ST7L: variants seen among roughly 807,000 people sequenced by gnomAD.
ST7L encodes the protein suppressor of tumorigenicity 7 protein-like.
In ST7L, 57 loss-of-function variants were observed where a neutral mutation model predicts 72.5. That is an observed-to-expected ratio of 0.79 (90% confidence interval 0.64 to 0.98). The LOEUF is 0.98. Ranked by LOEUF, ST7L falls within the 50% of genes least tolerant of loss-of-function variation. The pLI is 0.00. For synonymous variants in ST7L, 221 were observed against 240.9 expected, an observed-to-expected ratio of 0.92 and a Z score of 0.77; for missense variants, 576 against 672.2, an observed-to-expected ratio of 0.86 and a Z score of 1.58.
intron 6 of ST7L, among the ~76,000 whole-genome samples, chr1:112,590,929 C>CTTTT (rs146691818): frequency 6.2e-5 from 8 of 128,658 alleles, no homozygotes; most frequent in Admixed American, 1.6e-4. Context: ...TTTTAGTACC[C>CTTTT]TTTTTTTTTT....
chr1:112,585,412 C>T (rs1057265499), intron 6 of ST7L, among the ~76,000 whole-genome samples: 2 of 152,202 alleles, frequency 1.3e-5, no homozygotes, highest in African/African-American at 2.4e-5. Context: ...TCTTCATTAA[C>T]AGATTTTAGA....
chr1:112,573,152 C>T (rs532355235), intron 11 of ST7L, among the ~76,000 whole-genome samples: 1 of 151,866 alleles, frequency 6.6e-6, no homozygotes, highest in South Asian at 2.1e-4. Flanking sequence ...AGTTTGACAC[C>T]AACCTGACCA....
intron 11 of ST7L, among the ~76,000 whole-genome samples, chr1:112,559,093 G>T (rs534001083): frequency 6.6e-6 from 1 of 152,206 alleles, no homozygotes; most frequent in African/African-American, 2.4e-5. Context: ...CATTTTCAGT[G>T]AATTTTAGAA....
chr1:112,562,927 GTCTATC>G (rs1338911036), intron 11 of ST7L, among the ~76,000 whole-genome samples: 3 of 152,026 alleles, frequency 2.0e-5, no homozygotes, highest in African/African-American at 7.2e-5. Context: ...TTCTTTCTAT[GTCTATC>G]TCTATGTGTT....
chr1:112,550,608 T>C lies in ST7L; in HGVS notation c.1482A>G (p.Leu494=). The change falls in exon 13 of 15, where the codon CTA becomes CTG. Residue 494 remains leucine, a synonymous_variant. Coordinates refer to ENST00000358039, the MANE Select transcript of ST7L (RefSeq NM_017744.5). ...PSCTETADRE[L]LPTFHHVSVY... ...ACTAAAATATTTACTTACTAGGTAATAGCTCTCTATCAGCCGTCTCTGTGC... is the reference window on the plus strand; with the variant it reads ...ACTAAAATATTTACTTACTAGGTAACAGCTCTCTATCAGCCGTCTCTGTGC... 6.2e-7 allele frequency: 1 copy of C among 1,611,488 alleles called. No homozygotes were observed. The highest frequency in any genetic ancestry group is 8.5e-7 in the Non-Finnish European group (1 of 1,177,924).
chr1:112,609,465 A>C (rs1668738280), intron 3 of ST7L, among the ~76,000 whole-genome samples: 1 of 150,926 alleles, frequency 6.6e-6, no homozygotes, highest in Admixed American at 6.6e-5. Context: ...CAGGAGGCAG[A>C]GGTCGCAGTG....
chr1:112,601,052 T>C (rs1667310812), intron 3 of ST7L, among the ~76,000 whole-genome samples: 1 of 152,234 alleles, frequency 6.6e-6, no homozygotes. Flanking sequence ...ATAATTCAGT[T>C]ATAGCACTTA....
intron 7 of ST7L, 22 bp from the exon 8 acceptor site, chr1:112,582,494 T>A: frequency 7.1e-7 from 1 of 1,405,256 alleles, no homozygotes; most frequent in Non-Finnish European, 9.9e-7. Context: ...AACAAAAAAA[T>A]GATACAACTA....
chr1:112,519,773 G>A (rs530883909), downstream of ST7L, among the ~76,000 whole-genome samples: 2 of 151,864 alleles, frequency 1.3e-5, no homozygotes, highest in Admixed American at 6.6e-5. Context: ...ATTTTCATAT[G>A]AGAAACTAAG....
rs1661536936 is a variant in ST7L at position 112,568,861 on chromosome 1, A to ATATATAT, written c.1245+8124_1245+8125insATATATA. 4.0e-3 allele frequency among the ~76,000 whole-genome samples: 459 copies of ATATATAT among 114,734 alleles called. 6 individuals are homozygous for ATATATAT. The highest frequency in any genetic ancestry group is 0.027 in the Admixed American group (247 of 9,188). The allele number at this position is 114,734 out of a possible 152,430, so 75.3% of individuals were successfully genotyped here. A position where few individuals can be genotyped will look rare whatever the true frequency, so the allele number is the denominator to read the frequency against. On this transcript the variant is annotated intron_variant, in intron 11 of 14. Coordinates refer to ENST00000358039, the MANE Select transcript of ST7L (RefSeq NM_017744.5). Reference sequence around the variant, plus strand: ...CCTGTTTTTTATAAATATAAATATAAATATATATATATATATATATATATA... The same window carrying ATATATAT: ...CCTGTTTTTTATAAATATAAATATAATATATATATATATATATATATATATATATATA...
chr1:112,569,882 C>T (rs1292867172), intron 11 of ST7L, among the ~76,000 whole-genome samples: 4 of 143,544 alleles, frequency 2.8e-5, no homozygotes, highest in South Asian at 2.3e-4. Context: ...CGCTTGAAAC[C>T]GGGAGGTGGA....
At chr1:112,570,859 T>G in intron 11 of ST7L, 1 of 437,414 alleles carries the variant, frequency 2.3e-6, no homozygotes, top group Non-Finnish European at 4.6e-6. Flanking sequence ...AGTTTAAAAC[T>G]TCTCCAAAAG....
At chr1:112,602,098 A>G (rs1213437228) in intron 3 of ST7L, among the ~76,000 whole-genome samples, 4 of 151,748 alleles carry the variant, frequency 2.6e-5, no homozygotes, top group African/African-American at 9.7e-5. Context: ...AAAAAAAAAA[A>G]AAAAAGAAAA....
intron 3 of ST7L, among the ~76,000 whole-genome samples, chr1:112,610,039 GTA>G (rs143936704): frequency 0.02 from 3,037 of 150,262 alleles, 100 homozygotes; most frequent in African/African-American, 0.069. Context: ...TTTGCTGGGC[GTA>G]TATATATATA....
intron 14 of ST7L, among the ~76,000 whole-genome samples, chr1:112,534,568 AT>A (rs1654884950): frequency 1.3e-5 from 2 of 152,164 alleles, no homozygotes; most frequent in South Asian, 4.1e-4. Flanking sequence ...AATTTAGTTC[AT>A]TTGATTGGTA....
chr1:112,546,300 C>T (rs1019057698), intron 13 of ST7L, among the ~76,000 whole-genome samples: 1 of 116,732 alleles, frequency 8.6e-6, no homozygotes, highest in Admixed American at 1.1e-4. Flanking sequence ...GCCTGAGTGA[C>T]AGTGAAATCC....
chr1:112,531,582 A>T (rs1018674616), intron 14 of ST7L, among the ~76,000 whole-genome samples: 1 of 152,190 alleles, frequency 6.6e-6, no homozygotes, highest in Non-Finnish European at 1.5e-5. Flanking sequence ...ATAACTCACC[A>T]TTCCCTTCCA....
intron 3 of ST7L, among the ~76,000 whole-genome samples, chr1:112,601,115 A>G (rs1667316169): frequency 6.6e-6 from 1 of 152,134 alleles, no homozygotes; most frequent in South Asian, 2.1e-4. Flanking sequence ...TAAAATATGA[A>G]GTTTTAAAAC....
intron 11 of ST7L, among the ~76,000 whole-genome samples, chr1:112,575,964 T>A (rs1321764609): frequency 1.3e-5 from 2 of 152,230 alleles, no homozygotes; most frequent in Non-Finnish European, 2.9e-5. Flanking sequence ...CTCTTTACTG[T>A]AGCTCTTTAG....
Sources: gnomAD v4.1 joint callset for allele counts (sites outside exome capture counted in the v4.1 genomes callset) on GRCh38, gnomAD v4.1.1 for gene constraint, MANE v1.5 for transcripts, NCBI Gene and HGNC (gene_info 2026-07-23, HGNC 2026-07-21) for gene names.